The following PSD3 variants were observed in gnomAD, a reference collection of about 807,000 sequenced individuals.
The protein encoded by PSD3 is PH and SEC7 domain-containing protein 3.
In PSD3, 49 loss-of-function variants were observed where a neutral mutation model predicts 105.5. That is an observed-to-expected ratio of 0.46 (90% CI 0.37 to 0.59). The LOEUF (loss-of-function observed/expected upper bound fraction) is 0.59, where lower values mean the gene tolerates loss of function less well. PSD3 is among the 20% of genes least tolerant of loss of function. PSD3 has a pLI of 0.00. For synonymous variants in PSD3, 557 were observed against 457.8 expected (o/e 1.22, Z -2.77); for missense variants, 1,561 against 1,263.8 (o/e 1.24, Z -3.57).
intron 1 of PSD3, among the ~76,000 whole-genome samples, chr8:19,080,242 G>T (rs778507021): frequency 1.1e-4 from 17 of 152,108 alleles, no homozygotes; most frequent in Non-Finnish European, 2.4e-4. Context: ...TTCCCTTTCT[G>T]TATTCATAGA....
chr8:18,793,572 G>A (rs1373504303), intron 8 of PSD3, among the ~76,000 whole-genome samples: 1 of 152,132 alleles, frequency 6.6e-6, no homozygotes, highest in Non-Finnish European at 1.5e-5. Flanking sequence ...CAAGGAGATA[G>A]GAGAGAGGAC....
chr8:18,730,171 A>T (rs1343963304), intron 9 of PSD3: 2 of 152,180 alleles, frequency 1.3e-5, no homozygotes, highest in Non-Finnish European at 2.9e-5. Flanking sequence ...TTTGACTATG[A>T]AATGTTTCCG....
chr8:19,043,365 T>C (rs1828192646), intron 1 of PSD3, among the ~76,000 whole-genome samples: 1 of 152,182 alleles, frequency 6.6e-6, no homozygotes, highest in Non-Finnish European at 1.5e-5. Flanking sequence ...CTCTCGTCTG[T>C]TAGTGTTTTT....
chr8:18,570,837 T>G (rs896886469), intron 14 of PSD3, among the ~76,000 whole-genome samples: 4 of 115,182 alleles, frequency 3.5e-5, no homozygotes, highest in Non-Finnish European at 7.0e-5. Flanking sequence ...ACTGTCCTGC[T>G]TAAAACTATT....
At chr8:18,786,485 C>T (rs891193648) in intron 8 of PSD3, among the ~76,000 whole-genome samples, 2 of 152,150 alleles carry the variant, frequency 1.3e-5, no homozygotes, top group African/African-American at 4.8e-5. Context: ...TTGGCAGTGC[C>T]TTCTGTCCAA....
rs538903555 is a variant in PSD3, at chr8:18,603,869, T to C, written c.2411-3435A>G. ...TTCACTTTCAGCTATGACTGTAAGTTTCCTGAGGCCTTCCCAGAAGCTGAA... is the reference window on the plus strand; with the variant it reads ...TTCACTTTCAGCTATGACTGTAAGTCTCCTGAGGCCTTCCCAGAAGCTGAA... On this transcript the variant is annotated intron_variant, in intron 11 of 15. Transcript: ENST00000327040. Among the ~76,000 whole-genome samples, 9 of 152,318 alleles carry C rather than the reference T, an allele frequency of 5.9e-5. No homozygotes were observed. The South Asian group carries it at 1.7e-3, about 28-fold the overall frequency.
At chr8:18,776,262 A>C (rs335224) in intron 8 of PSD3, among the ~76,000 whole-genome samples, 5,545 of 142,402 alleles carry the variant, frequency 0.039, 136 homozygotes, top group African/African-American at 0.061. Context: ...CTCTCTCTCT[A>C]TATATATATA....
intron 1 of PSD3, among the ~76,000 whole-genome samples, chr8:18,952,125 G>C (rs1487293476): frequency 6.6e-6 from 1 of 151,994 alleles, no homozygotes; most frequent in Non-Finnish European, 1.5e-5. Flanking sequence ...CTTAAATACA[G>C]AACACTGGAG....
intron 1 of PSD3, among the ~76,000 whole-genome samples, chr8:19,062,492 A>C (rs762864294): frequency 1.1e-4 from 16 of 152,030 alleles, no homozygotes; most frequent in Admixed American, 2.6e-4. Flanking sequence ...CTGTTTCCCC[A>C]GTTAACTCCA....
chr8:18,773,605 A>C lies in PSD3; in HGVS notation c.2083-8067T>G, dbSNP rs116049077. Among the ~76,000 whole-genome samples the C allele has an allele frequency of 9.9e-3, 1,509 of 152,296 alleles. 26 individuals are homozygous for C. The highest frequency in any genetic ancestry group is 0.031 in the African/African-American group (1,287 of 41,562). ...AAAAATTAAGTCTTCCAGTCCATGA[A>C]CATGAAATATTTTCCCTTTTATTTG... On this transcript the variant is annotated intron_variant, in intron 8 of 15. Transcript: ENST00000327040.
intron 1 of PSD3, among the ~76,000 whole-genome samples, chr8:19,063,092 CTG>C (rs1828958036): frequency 6.6e-6 from 1 of 152,190 alleles, no homozygotes; most frequent in African/African-American, 2.4e-5. Flanking sequence ...TAGTTTCTAA[CTG>C]TTATTTCAAA....
intron 1 of PSD3, among the ~76,000 whole-genome samples, chr8:18,961,209 GAA>G (rs1823892518): frequency 6.6e-6 from 1 of 152,154 alleles, no homozygotes. Flanking sequence ...TAAATCTGAA[GAA>G]CTCTTAATAG....
chr8:18,823,632 A>T (rs1205645207), intron 4 of PSD3, among the ~76,000 whole-genome samples: 1 of 152,188 alleles, frequency 6.6e-6, no homozygotes, highest in Non-Finnish European at 1.5e-5. Context: ...CAGTACTGTC[A>T]CATGCTAGTC....
At chr8:18,631,705 G>C (rs1806908033) in intron 11 of PSD3, among the ~76,000 whole-genome samples, 1 of 151,864 alleles carries the variant, frequency 6.6e-6, no homozygotes, top group African/African-American at 2.4e-5. Flanking sequence ...AGATATGGTG[G>C]ATGCACTCTT....
intron 1 of PSD3, among the ~76,000 whole-genome samples, chr8:19,007,084 G>A (rs916662383): frequency 6.6e-6 from 1 of 151,906 alleles, no homozygotes; most frequent in Non-Finnish European, 1.5e-5. Flanking sequence ...GCGAAACCCC[G>A]TATCTACTAA....
chr8:18,565,810 G>A (rs984383534), intron 14 of PSD3, among the ~76,000 whole-genome samples: 6 of 152,102 alleles, frequency 3.9e-5, no homozygotes, highest in Non-Finnish European at 8.8e-5. Flanking sequence ...GGAGTGGGTT[G>A]GATTTTGACC....
chr8:18,602,146 T>C (rs982961718), intron 11 of PSD3, among the ~76,000 whole-genome samples: 1 of 152,158 alleles, frequency 6.6e-6, no homozygotes, highest in African/African-American at 2.4e-5. Flanking sequence ...ACAAAGGCTT[T>C]CCCCGAGCCC....
chr8:18,572,426 C>T, intron 14 of PSD3, 102 bp downstream of exon 14: 1 of 1,425,570 alleles, frequency 7.0e-7, no homozygotes, highest in South Asian at 1.3e-5. Flanking sequence ...CAAGGTCTCA[C>T]ACCTGCCCCC....
chr8:18,615,164 ACTCATTCCAATTACCTACTCCACCCTG>A (rs1461278418), intron 11 of PSD3, among the ~76,000 whole-genome samples: 3 of 95,698 alleles, frequency 3.1e-5, no homozygotes, highest in Non-Finnish European at 8.0e-5. Flanking sequence ...CTCCACCCTG[ACTCATTCCAATTACCTACTCCACCCTG>A]ACTCATTCTG....
Sources: gnomAD v4.1 joint callset for allele counts (sites outside exome capture counted in the v4.1 genomes callset) on GRCh38, gnomAD v4.1.1 for gene constraint, MANE v1.5 for transcripts, NCBI Gene and HGNC (gene_info 2026-07-23, HGNC 2026-07-21) for gene names.